Variants in C13orf46 observed in about 807,000 individuals in gnomAD.
The protein encoded by C13orf46 is uncharacterized protein C13orf46.
the C13orf46 span, among the ~76,000 whole-genome samples, chr13:113,946,081 G>A: frequency 6.7e-4 from 94 of 140,224 alleles, no homozygotes; most frequent in African/African-American, 2.2e-3. Flanking sequence ...AACGCTAACC[G>A]AATTTGGCGT....
At chr13:113,945,669 A>AAAGAAAGG in the C13orf46 span, among the ~76,000 whole-genome samples, 44 of 132,004 alleles carry the variant, frequency 3.3e-4, no homozygotes, top group East Asian at 2.6e-3. Context: ...AGAAAGAAAG[A>AAAGAAAGG]AAGGAAAGAA....
At chr13:113,934,394 C>T in the C13orf46 span, among the ~76,000 whole-genome samples, 187 of 152,296 alleles carry the variant, frequency 1.2e-3, no homozygotes, top group African/African-American at 4.4e-3. Flanking sequence ...TTTTATGAAA[C>T]TACCAGACAC....
chr13:113,945,571 A>AAGAG, the C13orf46 span, among the ~76,000 whole-genome samples: 1 of 72,300 alleles, frequency 1.4e-5, no homozygotes, highest in African/African-American at 5.7e-5. Context: ...GAAAGAAAGA[A>AAGAG]AGAAAGAGAG....
Position 113,971,337 on chromosome 13 carries a change from G to C in C13orf46, c.191-1115C>G, listed in dbSNP as rs577947811. Among the ~76,000 whole-genome samples, 32 of 152,366 alleles carry C rather than the reference G, an allele frequency of 2.1e-4. No individual in the cohort carries two copies. In the South Asian group the frequency reaches 2.9e-3, roughly 14 times the overall value. On this transcript the variant is annotated intron_variant, in intron 1 of 6. Transcript: ENST00000636427. ...GGCAGGTCACTCAGCTCAGCCCACA[G>C]GCCCAAGGGGCAGCTGGGGAATGGG...
At chr13:113,965,800 GTGA>G (rs1208624134) in intron 5 of C13orf46, among the ~76,000 whole-genome samples, 4 of 147,122 alleles carry the variant, frequency 2.7e-5, no homozygotes, top group Admixed American at 6.7e-5. Context: ...TATAATGGTG[GTGA>G]TGATGGTGAA....
At chr13:113,969,491 G>A (rs1212582048) in intron 2 of C13orf46, among the ~76,000 whole-genome samples, 2 of 152,226 alleles carry the variant, frequency 1.3e-5, no homozygotes, top group Admixed American at 6.5e-5. Context: ...CCAACTGATT[G>A]CACCTTTGGC....
At chr13:113,971,821 A>G (rs1251338495) in intron 1 of C13orf46, among the ~76,000 whole-genome samples, 2 of 152,236 alleles carry the variant, frequency 1.3e-5, no homozygotes, top group Admixed American at 6.5e-5. Flanking sequence ...ACCAGTGGTC[A>G]GCAAGGCCCG....
chr13:113,964,481 G>C (rs2052618059), intron 6 of C13orf46, among the ~76,000 whole-genome samples: 1 of 152,206 alleles, frequency 6.6e-6, no homozygotes, highest in African/African-American at 2.4e-5. Context: ...TGTGAGAGAA[G>C]CCTGCTTGGC....
chr13:113,933,427 T>C, the C13orf46 span, among the ~76,000 whole-genome samples: 6 of 152,230 alleles, frequency 3.9e-5, no homozygotes, highest in Admixed American at 3.9e-4. Flanking sequence ...TTGATTAAAA[T>C]CAAGTAATAT....
At chr13:113,934,426 C>T in the C13orf46 span, among the ~76,000 whole-genome samples, 2 of 152,098 alleles carry the variant, frequency 1.3e-5, no homozygotes, top group Non-Finnish European at 2.9e-5. Flanking sequence ...GGAGATGAGT[C>T]GGATGCATGG....
chr13:113,946,297 T>C, the C13orf46 span, among the ~76,000 whole-genome samples: 204 of 152,248 alleles, frequency 1.3e-3, 3 homozygotes, highest in East Asian at 0.032. Flanking sequence ...CACGCACCCC[T>C]CTAACTCACG....
rs1446916431 is a variant in C13orf46 at position 113,956,220 on chromosome 13, G to C, written c.*553C>G. 9 of 156,680 alleles carry C rather than the reference G, an allele frequency of 5.7e-5. No homozygotes were observed. The South Asian group carries it at 1.4e-3, about 24-fold the overall frequency. The allele number at this position is 156,680 out of a possible 1,614,324, so 9.7% of individuals were successfully genotyped here. A position where few individuals can be genotyped will look rare whatever the true frequency, so the allele number is the denominator to read the frequency against. ...GACGAGGAGCACCCGGTGGAGACGA[G>C]GAGCATCTCGAGGAGACGAGGAGCA... is the stretch of plus-strand genomic sequence containing the variant. On this transcript the variant is annotated 3_prime_UTR_variant, in exon 7 of 7. Transcript: ENST00000636427.
At chr13:113,964,871 G>A (rs1197413286) in intron 6 of C13orf46, 56 bp downstream of exon 6, 1 of 152,234 alleles carries the variant, frequency 6.6e-6, no homozygotes, top group Non-Finnish European at 1.5e-5. Flanking sequence ...CAGAGACCGT[G>A]GTGGGGGGAA....
downstream of C13orf46, among the ~76,000 whole-genome samples, chr13:113,950,729 T>G (rs1381537878): frequency 6.6e-6 from 1 of 152,156 alleles, no homozygotes; most frequent in African/African-American, 2.4e-5. Flanking sequence ...CTGGGCAGCT[T>G]TCTCCCACAG....
the C13orf46 span, among the ~76,000 whole-genome samples, chr13:113,945,927 T>C: frequency 7.2e-6 from 1 of 139,500 alleles, no homozygotes; most frequent in Non-Finnish European, 1.6e-5. Flanking sequence ...TAGAGTCCAG[T>C]GCTCTGTGGG....
At chr13:113,930,133 C>T in the C13orf46 span, among the ~76,000 whole-genome samples, 1 of 152,188 alleles carries the variant, frequency 6.6e-6, no homozygotes, top group African/African-American at 2.4e-5. Flanking sequence ...TGGGTCTGCA[C>T]GAGGCTCGGA....
At chr13:113,947,822 A>T in the C13orf46 span, among the ~76,000 whole-genome samples, 602 of 152,180 alleles carry the variant, frequency 4.0e-3, 9 homozygotes, top group East Asian at 0.048. Flanking sequence ...CCAGACACTC[A>T]CTCAGGGGTC....
At chr13:113,939,917 G>A in the C13orf46 span, among the ~76,000 whole-genome samples, 8 of 152,328 alleles carry the variant, frequency 5.3e-5, no homozygotes, top group East Asian at 1.9e-4. Context: ...TCAAGAAACC[G>A]GGTGCCAGGC....
chr13:113,945,930 T>C, the C13orf46 span, among the ~76,000 whole-genome samples: 1 of 111,434 alleles, frequency 9.0e-6, no homozygotes, highest in Non-Finnish European at 2.2e-5. Context: ...AGTCCAGTGC[T>C]CTGTGGGCTG....
Sources: gnomAD v4.1 joint callset for allele counts (sites outside exome capture counted in the v4.1 genomes callset) on GRCh38, gnomAD v4.1.1 for gene constraint, MANE v1.5 for transcripts, NCBI Gene and HGNC (gene_info 2026-07-23, HGNC 2026-07-21) for gene names.